Variants in SPATA13 observed in about 807,000 individuals in gnomAD.
The protein encoded by SPATA13 is spermatogenesis associated 13.
Under a neutral mutation model 104.0 loss-of-function variants are expected in SPATA13, and 50 were observed. The ratio of observed to expected loss-of-function variants is 0.48; its 90% CI spans 0.38 to 0.61. The LOEUF is 0.61. Ranked by LOEUF, SPATA13 falls within the 20% of genes least tolerant of loss-of-function variation. SPATA13 has a pLI of 0.00. For synonymous variants in SPATA13, 606 were observed against 667.5 expected (o/e 0.91, Z 1.42); for missense variants, 1,524 against 1,690.6 (o/e 0.90, Z 1.73).
chr13:24,302,662 C>T lies in SPATA13; in HGVS notation c.3723C>T (p.Ile1241=). ...TGCACCCCATCCACCAGCGCCACAT[C>T]ACTATGCCCACAAGCGTCCCCCAGC... ...QGLHPIHQRH[I]TMPTSVPQQQ... is the part of the protein sequence containing the mutation. The change falls in exon 13 of 13, where the codon ATC becomes ATT. Residue 1241 remains isoleucine (I), a synonymous_variant. Transcript: ENST00000382108. 1 of 1,614,102 alleles carries T rather than the reference C, an allele frequency of 6.2e-7. No homozygotes were observed. The highest frequency in any genetic ancestry group is 8.5e-7 in the Non-Finnish European group (1 of 1,180,030).
intron 2 of SPATA13, among the ~76,000 whole-genome samples, chr13:23,985,173 C>T (rs557996234): frequency 1.4e-4 from 21 of 152,336 alleles, no homozygotes; most frequent in African/African-American, 4.1e-4. Flanking sequence ...CGTCTGCTAC[C>T]GAAGATGGCA....
At chr13:24,050,766 C>G (rs1434521846) in intron 3 of SPATA13, among the ~76,000 whole-genome samples, 1 of 152,194 alleles carries the variant, frequency 6.6e-6, no homozygotes, top group Non-Finnish European at 1.5e-5. Context: ...TCTGTGACTC[C>G]CGCGCTGGCA....
At chr13:24,021,052 A>C (rs1386947448) in intron 3 of SPATA13, among the ~76,000 whole-genome samples, 1 of 152,222 alleles carries the variant, frequency 6.6e-6, no homozygotes, top group Non-Finnish European at 1.5e-5. Context: ...ATAAATAAAT[A>C]ATTGGAGTGG....
chr13:24,046,261 C>T (rs1878138299), intron 3 of SPATA13, among the ~76,000 whole-genome samples: 1 of 151,478 alleles, frequency 6.6e-6, no homozygotes, highest in Non-Finnish European at 1.5e-5. Context: ...GGAAGTTACC[C>T]ACTATCCTGA....
At chr13:24,167,519 C>T (rs538055954) in intron 1 of SPATA13, among the ~76,000 whole-genome samples, 1 of 152,222 alleles carries the variant, frequency 6.6e-6, no homozygotes, top group African/African-American at 2.4e-5. Flanking sequence ...CACCTCTCAA[C>T]AGTACAAGCT....
intron 4 of SPATA13, among the ~76,000 whole-genome samples, chr13:24,261,404 G>T (rs1874056830): frequency 6.6e-6 from 1 of 152,148 alleles, no homozygotes; most frequent in Admixed American, 6.5e-5. Flanking sequence ...GCTCGATGAA[G>T]ATGACATCAC....
chr13:24,084,177 G>A (rs1430126085), intron 3 of SPATA13, among the ~76,000 whole-genome samples: 1 of 152,206 alleles, frequency 6.6e-6, no homozygotes, highest in Non-Finnish European at 1.5e-5. Flanking sequence ...CAACAAGCGA[G>A]ACGAGAGAAG....
At chr13:24,075,091 G>A (rs1415065032) in intron 3 of SPATA13, among the ~76,000 whole-genome samples, 1 of 152,232 alleles carries the variant, frequency 6.6e-6, no homozygotes, top group African/African-American at 2.4e-5. Flanking sequence ...ATACTTAACT[G>A]AACATGGTAG....
chr13:24,021,426 G>A lies in SPATA13; in HGVS notation c.-112+3725G>A, dbSNP rs183863662. On this transcript the variant is annotated intron_variant, in intron 3 of 14. Transcript: ENST00000424834. ...GAGGATCACTTGAGCCCAGGAGTTT[G>A]AGGCTACAGTGAGCTATGATTGTAC... 1.3e-4 allele frequency among the ~76,000 whole-genome samples: 20 copies of A among 152,332 alleles called. No homozygotes were observed. In the East Asian group the frequency reaches 3.9e-3, roughly 29 times the overall value.
At chr13:24,171,081 T>A (rs2138505225) in intron 1 of SPATA13, among the ~76,000 whole-genome samples, 1 of 151,952 alleles carries the variant, frequency 6.6e-6, no homozygotes, top group East Asian at 2.0e-4. Context: ...GGAAGACAAT[T>A]TGCATGGAAT....
chr13:24,067,292 A>G (rs1056356850), intron 3 of SPATA13, among the ~76,000 whole-genome samples: 6 of 151,992 alleles, frequency 3.9e-5, no homozygotes, highest in Admixed American at 1.3e-4. Flanking sequence ...TGGAAATCCT[A>G]CTAATCCCAT....
chr13:23,992,185 A>G (rs1008617008), intron 2 of SPATA13, among the ~76,000 whole-genome samples: 1 of 152,116 alleles, frequency 6.6e-6, no homozygotes, highest in East Asian at 1.9e-4. Flanking sequence ...CTGCAGTCCA[A>G]CCATGTGCTG....
intron 3 of SPATA13, among the ~76,000 whole-genome samples, chr13:24,057,231 CT>C (rs1878594749): frequency 6.6e-6 from 1 of 150,556 alleles, no homozygotes; most frequent in Non-Finnish European, 1.5e-5. Context: ...TCCCTCCCCC[CT>C]CCCCCCAACC....
chr13:24,236,998 G>C (rs945022059), intron 2 of SPATA13, among the ~76,000 whole-genome samples: 1 of 152,230 alleles, frequency 6.6e-6, no homozygotes, highest in East Asian at 1.9e-4. Context: ...CCAAGTGTCT[G>C]TTGATGGACA....
chr13:24,159,205 T>C (rs1882362545), upstream of SPATA13, among the ~76,000 whole-genome samples: 1 of 152,056 alleles, frequency 6.6e-6, no homozygotes, highest in Admixed American at 6.6e-5. Flanking sequence ...TTTTATAGAG[T>C]AGAAATAAAA....
At chr13:24,120,117 G>A (rs1358893757) in intron 3 of SPATA13, among the ~76,000 whole-genome samples, 2 of 152,040 alleles carry the variant, frequency 1.3e-5, no homozygotes, top group East Asian at 3.9e-4. Flanking sequence ...TTTGTATCAG[G>A]CACTTAGGCA....
rs759904367 is a variant in SPATA13 at position 24,251,995 on chromosome 13, G to A, written c.2164+133G>A. ...GGCGCGTTTGTCTGGGAGTGAGGAC[G>A]GCTCATCTCAGGAGAATGGTGCATC... On this transcript the variant is annotated intron_variant, in intron 4 of 12. Coordinates refer to ENST00000382108, the MANE Select transcript of SPATA13 (RefSeq NM_001166271.3). The A allele has an allele frequency of 4.9e-4, 548 of 1,122,400 alleles. 4 individuals are homozygous for A. Among genetic ancestry groups the A allele is most frequent in the South Asian group, 3.4e-3 (206 of 60,148 alleles). 69.5% of individuals were successfully genotyped at this position (1,122,400 alleles called of 1,614,324 possible). A position where few individuals can be genotyped will look rare whatever the true frequency, so the allele number is the denominator to read the frequency against.
rs1466560900 is a variant in SPATA13, at chr13:24,302,704, G to C, written c.3765G>C (p.Leu1255=). 1.2e-6 allele frequency: 2 copies of C among 1,613,960 alleles called. No individual in the cohort carries two copies. The highest frequency in any genetic ancestry group is 1.3e-5 in the African/African-American group (1 of 74,880). ...TCCCCCAGCAGCAGGTCTTTGGCCT[G>C]GCGGAACCCAAGAGGAAGTCCTCGC... is the stretch of plus-strand genomic sequence containing the variant. ...TSVPQQQVFG[L]AEPKRKSSLF... Residue 1255 remains leucine (L), a synonymous_variant, in exon 13 of 13, where the codon CTG becomes CTC. Coordinates refer to ENST00000382108, the MANE Select transcript of SPATA13 (RefSeq NM_001166271.3).
chr13:24,190,313 T>C lies in SPATA13; in HGVS notation c.-112+29381T>C, dbSNP rs1447192423. On this transcript the variant is annotated intron_variant, in intron 1 of 12. Transcript: ENST00000382108. Reference sequence around the variant, plus strand: ...TAATATTATATATTATTATATATAATATATAATATTATATATTATTATATA... The same window carrying C: ...TAATATTATATATTATTATATATAACATATAATATTATATATTATTATATA... 3.4e-4 allele frequency among the ~76,000 whole-genome samples: 2 copies of C among 5,908 alleles called. 1 individual carries two copies. Among genetic ancestry groups the C allele is most frequent in the African/African-American group, 3.9e-4 (2 of 5,100 alleles). 3.9% of individuals were successfully genotyped at this position (5,908 alleles called of 152,430 possible). A position where few individuals can be genotyped will look rare whatever the true frequency, so the allele number is the denominator to read the frequency against.
Sources: gnomAD v4.1 joint callset for allele counts (sites outside exome capture counted in the v4.1 genomes callset) on GRCh38, gnomAD v4.1.1 for gene constraint, MANE v1.5 for transcripts, NCBI Gene and HGNC (gene_info 2026-07-23, HGNC 2026-07-21) for gene names.